FER1L5: variants seen among roughly 807,000 people sequenced by gnomAD.
FER1L5 encodes fer-1 like family member 5, also known as fer-1-like protein 5.
A neutral mutation model predicts 279.9 loss-of-function variants in FER1L5; 187 were observed. The ratio of observed to expected loss-of-function variants is 0.67; its 90% CI spans 0.59 to 0.75. The LOEUF (loss-of-function observed/expected upper bound fraction) is 0.75. Ranked by LOEUF, FER1L5 falls within the 30% of genes least tolerant of loss-of-function variation. FER1L5 has a pLI of 0.00. For synonymous variants in FER1L5, 921 were observed against 989.7 expected (o/e 0.93, Z 1.30); for missense variants, 2,091 against 2,594.4 (o/e 0.81, Z 4.21).
In FER1L5 at chr2:96,698,217, A is replaced by G; in HGVS notation, c.4356+61A>G. 1 of 1,515,666 alleles carries G rather than the reference A, an allele frequency of 6.6e-7. No individual in the cohort carries two copies. The highest frequency in any genetic ancestry group is 1.3e-5 in the South Asian group (1 of 79,738). The allele number at this position is 1,515,666 out of a possible 1,614,324, so 93.9% of individuals were successfully genotyped here. ...CTTGTGCACCTTCTGTCCCTGGAAA[A>G]CGAATAAAAGCCCTGGCTCTATATG... On this transcript the variant is annotated intron_variant, in intron 40 of 52. Transcript: ENST00000624922. This position sits in a 1 kb window ranked among gnomAD's most constrained non-coding sequence, Gnocchi z 5.5.
intron 18 of FER1L5, among the ~76,000 whole-genome samples, chr2:96,670,856 G>A (rs2076296148): frequency 6.6e-6 from 1 of 152,036 alleles, no homozygotes; most frequent in African/African-American, 2.4e-5. Flanking sequence ...TGTAATCCCA[G>A]CACTTTGGGA....
intron 1 of FER1L5, 51 bp downstream of exon 1, chr2:96,642,972 A>G: frequency 6.7e-7 from 1 of 1,486,586 alleles, no homozygotes; most frequent in African/African-American, 1.4e-5. Context: ...CAGAGGCAAC[A>G]TGGATTCAGT....
chr2:96,656,031 C>G (rs749365589), intron 9 of FER1L5, among the ~76,000 whole-genome samples: 3 of 151,960 alleles, frequency 2.0e-5, no homozygotes, highest in African/African-American at 7.2e-5. Flanking sequence ...TTTTTTATTT[C>G]TTTTTATTTT....
At chr2:96,690,834 G>A (rs1173784772) in intron 27 of FER1L5, among the ~76,000 whole-genome samples, 2 of 152,218 alleles carry the variant, frequency 1.3e-5, no homozygotes, top group Non-Finnish European at 2.9e-5. Flanking sequence ...CTGGTGAACA[G>A]GAGGCTATCA....
chr2:96,698,746 G>C lies in FER1L5; in HGVS notation c.4432G>C (p.Glu1478Gln). The C allele has an allele frequency of 1.3e-6, 2 of 1,574,256 alleles. No individual in the cohort carries two copies. Among genetic ancestry groups the C allele is most frequent in the South Asian group, 2.3e-5 (2 of 85,354 alleles). The part of the protein sequence containing the change: ...KPPLQFLVWP[E>Q]REDFPQPCLV... ...CCCGCTGCAGTTCTTGGTTTGGCCAGAGAGAGAGGACTTCCCCCAGCCGTG... is the reference window on the plus strand; with the variant it reads ...CCCGCTGCAGTTCTTGGTTTGGCCACAGAGAGAGGACTTCCCCCAGCCGTG... Residue 1478 changes from glutamate to glutamine, a missense_variant, in exon 41 of 53, where the codon GAG becomes CAG. Physicochemically the swap from Glu to Gln is conservative, Grantham distance 29. Coordinates refer to ENST00000624922, the MANE Select transcript of FER1L5 (RefSeq NM_001293083.2). The surrounding 1 kb of genome is among the most constrained non-coding windows in gnomAD (Gnocchi z 5.5).
chr2:96,657,765 G>A (rs1021604826), intron 9 of FER1L5, among the ~76,000 whole-genome samples: 1 of 152,144 alleles, frequency 6.6e-6, no homozygotes, highest in Non-Finnish European at 1.5e-5. Context: ...ATTCATCCAT[G>A]TTGTTGCACT....
In FER1L5 at chr2:96,692,193, GCAGCCTTGTCCC is replaced by G. The variant is rs1558914923; in HGVS notation, c.3292+17_3292+28del. On this transcript the variant is annotated intron_variant, in intron 31 of 52. Transcript: ENST00000624922. Reference sequence around the variant, plus strand: ...CCTGACATTCCAAGGTAGGTGGCAGGCAGCCTTGTCCCCAGCTGAGGACAAGGCCTCAGGGAG... The same window carrying G: ...CCTGACATTCCAAGGTAGGTGGCAGGCAGCTGAGGACAAGGCCTCAGGGAG... 6.4e-7 allele frequency: 1 copy of G among 1,551,458 alleles called. No individual in the cohort carries two copies. Among genetic ancestry groups the G allele is most frequent in the Non-Finnish European group, 8.7e-7 (1 of 1,146,932 alleles).
intron 1 of FER1L5, among the ~76,000 whole-genome samples, chr2:96,643,491 A>G (rs1297941468): frequency 6.6e-6 from 1 of 152,074 alleles, no homozygotes; most frequent in Non-Finnish European, 1.5e-5. Context: ...CTGGGACTAC[A>G]GGCACATGCC....
Position 96,694,783 on chromosome 2 carries a change from T to G in FER1L5, c.3741+319T>G. ...AATAGAGGCTCCAAGAGATAACACA[T>G]TCCACGCACAGTGATGCAGGGACTA... is the stretch of plus-strand genomic sequence containing the variant. On this transcript the variant is annotated intron_variant, in intron 34 of 52. Transcript: ENST00000624922. This position sits in a 1 kb window ranked among gnomAD's most constrained non-coding sequence, Gnocchi z 4.6. 1.9e-5 allele frequency: 4 copies of G among 214,554 alleles called. No homozygotes were observed. The highest frequency in any genetic ancestry group is 3.7e-5 in the Non-Finnish European group (4 of 109,308). The allele number at this position is 214,554 out of a possible 1,614,324, so 13.3% of individuals were successfully genotyped here. A position where few individuals can be genotyped will look rare whatever the true frequency, so the allele number is the denominator to read the frequency against.
At chr2:96,651,857 C>T (rs745580211) in intron 6 of FER1L5, 35 bp from the exon 7 acceptor site, 1 of 1,551,612 alleles carries the variant, frequency 6.4e-7, no homozygotes, top group Middle Eastern at 1.7e-4. Flanking sequence ...TACAGAAGGC[C>T]CTCAATATCA....
At position 96,651,829 on chromosome 2, in the gene FER1L5, G is replaced by A. The variant is rs1251366099; in HGVS notation, c.505-63G>A. The A allele has an allele frequency of 3.2e-6, 5 of 1,549,314 alleles. No individual in the cohort carries two copies. The Admixed American group carries it at 9.8e-5, about 30-fold the overall frequency. On this transcript the variant is annotated intron_variant, in intron 6 of 52. Transcript: ENST00000624922. ...CCTGGCCTAGAATGTTTTCTTATCAGAACAATGTTGTCCCAGCTACAGAAG... is the reference window on the plus strand; with the variant it reads ...CCTGGCCTAGAATGTTTTCTTATCAAAACAATGTTGTCCCAGCTACAGAAG...
chr2:96,659,350 C>CT lies in FER1L5; in HGVS notation c.748-989dup, dbSNP rs1558853389. Among the ~76,000 whole-genome samples, 479 of 74,968 alleles carry CT rather than the reference C, an allele frequency of 6.4e-3. 50 individuals carry two copies. The highest frequency in any genetic ancestry group is 0.049 in the Middle Eastern group (6 of 122). The allele number at this position is 74,968 out of a possible 152,430, so 49.2% of individuals were successfully genotyped here. On this transcript the variant is annotated intron_variant, in intron 9 of 52. Coordinates refer to ENST00000624922, the MANE Select transcript of FER1L5 (RefSeq NM_001293083.2). ...CCTTCCTTCCTTCCTTCCTTCCTTC[C>CT]TTCCTTCCTTCCTTCTTTCTTTCTT... is the stretch of plus-strand genomic sequence containing the variant.
At position 96,672,989 on chromosome 2, in the gene FER1L5, A is replaced by G. The variant is rs1376568839; in HGVS notation, c.1492-88A>G. The stretch of plus-strand genomic sequence containing the variant: ...GAGAAGGGAAGATGGCTTTGAAAGA[A>G]AGATACCTCATCCTTGCCTCCCTGC... On this transcript the variant is annotated intron_variant, in intron 18 of 52. Coordinates refer to ENST00000624922, the MANE Select transcript of FER1L5 (RefSeq NM_001293083.2). The G allele has an allele frequency of 1.6e-5, 23 of 1,452,372 alleles. No individual in the cohort carries two copies. The East Asian group carries it at 3.0e-4, about 19-fold the overall frequency. 90.0% of individuals were successfully genotyped at this position (1,452,372 alleles called of 1,614,324 possible).
At chr2:96,680,820 C>T (rs531110035) in intron 19 of FER1L5, among the ~76,000 whole-genome samples, 12 of 152,260 alleles carry the variant, frequency 7.9e-5, no homozygotes, top group South Asian at 2.1e-4. Context: ...GCCCCTGTGC[C>T]CACCCCACCC....
intron 3 of FER1L5, 69 bp downstream of exon 3, chr2:96,647,224 C>T (rs2075172733): frequency 2.0e-6 from 3 of 1,463,518 alleles, no homozygotes; most frequent in Non-Finnish European, 2.8e-6. Context: ...TGATCCTTGT[C>T]TCTAATCCAT....
intron 32 of FER1L5, 58 bp downstream of exon 32, chr2:96,693,745 G>C: frequency 6.6e-7 from 1 of 1,513,400 alleles, no homozygotes; most frequent in Non-Finnish European, 8.9e-7. Flanking sequence ...GTGGCTGAGG[G>C]GATTTATTTT....
intron 5 of FER1L5, 123 bp downstream of exon 5, chr2:96,649,800 G>C: frequency 1.0e-6 from 1 of 960,346 alleles, no homozygotes; most frequent in East Asian, 2.6e-5. Context: ...ATGTGACCAG[G>C]CTAGGGTCCC....
In FER1L5 at chr2:96,679,228, G is replaced by GCT. The variant is rs1553456421; in HGVS notation, c.1670-5099_1670-5098insCT. 2.1e-5 allele frequency among the ~76,000 whole-genome samples: 3 copies of GCT among 143,604 alleles called. No homozygotes were observed. In the East Asian group the frequency reaches 6.1e-4, roughly 29 times the overall value. The allele number at this position is 143,604 out of a possible 152,430, so 94.2% of individuals were successfully genotyped here. ...CTGGGCATGGCGACACACACCTATA[G>GCT]TTTTTTTTTTTTTTGAGATGGCGTC... is the stretch of plus-strand genomic sequence containing the variant. On this transcript the variant is annotated intron_variant, in intron 19 of 52. Coordinates refer to ENST00000624922, the MANE Select transcript of FER1L5 (RefSeq NM_001293083.2).
In FER1L5 at chr2:96,683,596, T is replaced by C. The variant is rs936359781; in HGVS notation, c.1670-731T>C. ...GGGGACACAGCCAGTCTGTAGCACA[T>C]GGGTCCCTGTTAGACTGCCCACCTG... On this transcript the variant is annotated intron_variant, in intron 19 of 52. Transcript: ENST00000624922. Among the ~76,000 whole-genome samples the C allele has an allele frequency of 4.0e-5, 6 of 150,508 alleles. No homozygotes were observed. In the Admixed American group the frequency reaches 4.0e-4, roughly 10 times the overall value.
Sources: gnomAD v4.1 joint callset for allele counts (sites outside exome capture counted in the v4.1 genomes callset) on GRCh38, gnomAD v4.1.1 for gene constraint, Gnocchi (gnomAD v3.1) non-coding constraint, MANE v1.5 for transcripts, NCBI Gene and HGNC (gene_info 2026-07-23, HGNC 2026-07-21) for gene names.